SNX9: variants seen among roughly 807,000 people sequenced by gnomAD.
SNX9 encodes the protein sorting nexin-9.
A neutral mutation model predicts 89.4 loss-of-function variants in SNX9; 44 were observed. The ratio of observed to expected loss-of-function variants is 0.49; its 90% CI spans 0.39 to 0.63. The LOEUF (loss-of-function observed/expected upper bound fraction) is 0.63, where lower values mean the gene tolerates loss of function less well. Ranked by LOEUF, SNX9 falls within the 30% of genes least tolerant of loss-of-function variation. SNX9 has a pLI of 0.00. For synonymous variants in SNX9, 236 were observed against 247.8 expected (o/e 0.95, Z 0.45); for missense variants, 578 against 736.1 (o/e 0.79, Z 2.49).
chr6:157,919,953 C>CTGTT (rs150798579), intron 9 of SNX9, among the ~76,000 whole-genome samples: 14,213 of 151,564 alleles, frequency 0.094, 785 homozygotes, highest in East Asian at 0.15. Context: ...TCAGTTATTG[C>CTGTT]TGTTTGTTTG....
chr6:157,834,525 T>C (rs557067956), intron 1 of SNX9, among the ~76,000 whole-genome samples: 9 of 151,682 alleles, frequency 5.9e-5, no homozygotes, highest in African/African-American at 1.9e-4. Context: ...TTTTAAATTT[T>C]TTTTTCTTTA....
intron 1 of SNX9, among the ~76,000 whole-genome samples, chr6:157,862,478 G>A (rs1468687001): frequency 1.3e-5 from 2 of 152,038 alleles, no homozygotes; most frequent in Non-Finnish European, 2.9e-5. Context: ...TCTTTCCCTG[G>A]AATTTCTGAA....
chr6:157,939,144 G>GA (rs138711054), intron 16 of SNX9, among the ~76,000 whole-genome samples: 6,937 of 148,008 alleles, frequency 0.047, 190 homozygotes, highest in East Asian at 0.11. Context: ...TTTGTGTCAA[G>GA]AAAAAAAAAA....
chr6:157,845,745 C>T (rs1400317641), intron 1 of SNX9, among the ~76,000 whole-genome samples: 1 of 152,106 alleles, frequency 6.6e-6, no homozygotes, highest in African/African-American at 2.4e-5. Context: ...GTGATACTCT[C>T]CCATTAGTCA....
chr6:157,868,046 T>C (rs1782304532), intron 2 of SNX9, among the ~76,000 whole-genome samples: 1 of 152,194 alleles, frequency 6.6e-6, no homozygotes, highest in African/African-American at 2.4e-5. Flanking sequence ...AAGTAAAAGA[T>C]GATGGTGATT....
chr6:157,923,048 T>C (rs896718173), intron 10 of SNX9, among the ~76,000 whole-genome samples: 1 of 152,182 alleles, frequency 6.6e-6, no homozygotes, highest in Non-Finnish European at 1.5e-5. Context: ...AGTTAATAAA[T>C]CCTAGACATC....
At chr6:157,908,949 C>A (rs755345334) in intron 7 of SNX9, among the ~76,000 whole-genome samples, 32 of 152,180 alleles carry the variant, frequency 2.1e-4, no homozygotes, top group South Asian at 2.1e-4. Context: ...GGACGTGATA[C>A]CCGGGGGTTG....
intron 2 of SNX9, among the ~76,000 whole-genome samples, chr6:157,870,888 C>T (rs904717972): frequency 4.6e-4 from 69 of 150,934 alleles, no homozygotes; most frequent in Admixed American, 9.9e-4. Flanking sequence ...CGTGCAAGCA[C>T]GCACACACCC....
intron 4 of SNX9, among the ~76,000 whole-genome samples, chr6:157,887,203 G>T (rs1782752245): frequency 6.6e-6 from 1 of 152,120 alleles, no homozygotes; most frequent in Non-Finnish European, 1.5e-5. Context: ...TTATTTTTAA[G>T]CCCAGAGCAA....
At chr6:157,906,362 G>C (rs1437016238) in intron 7 of SNX9, 150 bp downstream of exon 7, 2 of 591,520 alleles carry the variant, frequency 3.4e-6, no homozygotes, top group Non-Finnish European at 5.8e-6. Context: ...AGTGTTGTAG[G>C]AGTACTGAAG....
intron 4 of SNX9, among the ~76,000 whole-genome samples, chr6:157,882,430 G>A (rs1583215199): frequency 6.6e-6 from 1 of 152,202 alleles, no homozygotes; most frequent in Admixed American, 6.5e-5. Context: ...CCCTTGGATC[G>A]AGGAGTAATT....
At chr6:157,873,037 A>C in intron 2 of SNX9, 65 bp from the exon 3 acceptor site, 1 of 1,380,712 alleles carries the variant, frequency 7.2e-7, no homozygotes, top group Non-Finnish European at 9.7e-7. Flanking sequence ...CCTCCACACA[A>C]AATTTCTCCA....
intron 1 of SNX9, chr6:157,829,142 A>G (rs1462373226): frequency 7.3e-6 from 1 of 137,320 alleles, no homozygotes; most frequent in Non-Finnish European, 1.5e-5. Context: ...CAGCTTAGGT[A>G]TTGGCAATTA....
chr6:157,847,303 A>G (rs1781824267), intron 1 of SNX9, among the ~76,000 whole-genome samples: 2 of 152,008 alleles, frequency 1.3e-5, no homozygotes, highest in African/African-American at 2.4e-5. Flanking sequence ...GGGTTTTGCC[A>G]TGTTGCCCAG....
intron 4 of SNX9, 102 bp downstream of exon 4, chr6:157,875,278 G>T: frequency 1.3e-5 from 19 of 1,420,790 alleles, no homozygotes; most frequent in Non-Finnish European, 1.8e-5. Flanking sequence ...TTCCCCAAAA[G>T]CAAAAACAAA....
At chr6:157,933,825 G>A (rs3792942) in intron 13 of SNX9, among the ~76,000 whole-genome samples, 32,998 of 152,118 alleles carry the variant, frequency 0.22, 3,653 homozygotes, top group Non-Finnish European at 0.23. Context: ...GAGCTGCTTC[G>A]TGATTCTTTA....
rs187488954 is a variant in SNX9 at position 157,883,509 on chromosome 6, A to G, written c.300+8333A>G. Among the ~76,000 whole-genome samples the G allele has an allele frequency of 3.8e-3, 579 of 152,346 alleles. 3 individuals carry two copies. The highest frequency in any genetic ancestry group is 6.0e-3 in the Non-Finnish European group (409 of 68,042). On this transcript the variant is annotated intron_variant, in intron 4 of 17. Coordinates refer to ENST00000392185, the MANE Select transcript of SNX9 (RefSeq NM_016224.5). ...TAGGCAAGCAGACGCTGAACGGTTC[A>G]TGGTAGGGAAACTGTAGAAGAAATT... is the stretch of plus-strand genomic sequence containing the variant.
intron 3 of SNX9, chr6:157,874,090 T>G (rs767683484): frequency 6.6e-6 from 1 of 152,146 alleles, no homozygotes; most frequent in Non-Finnish European, 1.5e-5. Flanking sequence ...GAGAAAAGAA[T>G]TCCCCCCAGA....
intron 1 of SNX9, 25 bp from the exon 2 acceptor site, chr6:157,867,519 ATCC>A: frequency 6.3e-7 from 1 of 1,584,696 alleles, no homozygotes; most frequent in Non-Finnish European, 8.7e-7. Context: ...TGTTTGTAAC[ATCC>A]TCTTTTCCTC....
Sources: gnomAD v4.1 joint callset for allele counts (sites outside exome capture counted in the v4.1 genomes callset) on GRCh38, gnomAD v4.1.1 for gene constraint, MANE v1.5 for transcripts, NCBI Gene and HGNC (gene_info 2026-07-23, HGNC 2026-07-21) for gene names.